The following LSAMP variants were observed in gnomAD, a reference collection of about 807,000 sequenced individuals.
LSAMP encodes limbic system associated membrane protein, also known as limbic system-associated membrane protein.
Under a neutral mutation model 38.6 loss-of-function variants are expected in LSAMP, and 7 were observed. The observed-to-expected ratio is 0.18, with a 90% CI of 0.10 to 0.34. The LOEUF (loss-of-function observed/expected upper bound fraction) is 0.34, where lower values mean the gene tolerates loss of function less well. Ranked by LOEUF, LSAMP falls within the 10% of genes least tolerant of loss-of-function variation. The pLI, the probability that LSAMP is intolerant of heterozygous loss-of-function variation, is 1.00. For missense variants in LSAMP, 313 were observed against 420.0 expected, an observed-to-expected ratio of 0.75 and a Z score of 2.23; for synonymous variants, 154 against 166.8, an observed-to-expected ratio of 0.92 and a Z score of 0.59.
chr3:115,816,665 A>T, intron 6 of LSAMP: 1 of 1,273,568 alleles, frequency 7.9e-7, no homozygotes, highest in Non-Finnish European at 1.0e-6. Flanking sequence ...AGAAACATTA[A>T]GCAAAACAAA....
intron 1 of LSAMP, among the ~76,000 whole-genome samples, chr3:116,225,286 T>C (rs538055731): frequency 6.6e-6 from 1 of 152,224 alleles, no homozygotes; most frequent in East Asian, 1.9e-4. Flanking sequence ...CAAAGAGACA[T>C]AGCAGAGGAC....
intron 1 of LSAMP, among the ~76,000 whole-genome samples, chr3:116,393,677 C>T (rs1342470870): frequency 6.6e-6 from 1 of 152,204 alleles, no homozygotes; most frequent in Non-Finnish European, 1.5e-5. Context: ...GATCCCATAA[C>T]AATGCAATTC....
chr3:116,076,322 G>A (rs1486118261), intron 2 of LSAMP, among the ~76,000 whole-genome samples: 1 of 151,922 alleles, frequency 6.6e-6, no homozygotes, highest in Non-Finnish European at 1.5e-5. Context: ...CAGTGGCGCG[G>A]TCTTGGCTCA....
intron 1 of LSAMP, among the ~76,000 whole-genome samples, chr3:116,253,483 T>C (rs1487915956): frequency 1.3e-5 from 2 of 152,202 alleles, no homozygotes; most frequent in African/African-American, 2.4e-5. Context: ...ATCTTTTACA[T>C]GTCTTTGCAG....
chr3:115,874,752 A>G (rs1678984630), intron 3 of LSAMP, among the ~76,000 whole-genome samples: 1 of 152,126 alleles, frequency 6.6e-6, no homozygotes, highest in African/African-American at 2.4e-5. Flanking sequence ...AGTGTGAAGC[A>G]GGCAAGATAT....
intron 6 of LSAMP, among the ~76,000 whole-genome samples, chr3:115,840,165 G>T (rs1174756721): frequency 6.6e-6 from 1 of 152,138 alleles, no homozygotes; most frequent in Non-Finnish European, 1.5e-5. Flanking sequence ...TAAATAGAAA[G>T]AAAATATACT....
chr3:115,911,800 A>G (rs1409257921), intron 3 of LSAMP, among the ~76,000 whole-genome samples: 2 of 152,218 alleles, frequency 1.3e-5, no homozygotes, highest in African/African-American at 4.8e-5. Context: ...ATTCCCACCA[A>G]CAAAGTATGA....
At chr3:116,392,312 C>T (rs1353562358) in intron 1 of LSAMP, among the ~76,000 whole-genome samples, 1 of 152,208 alleles carries the variant, frequency 6.6e-6, no homozygotes, top group Non-Finnish European at 1.5e-5. Context: ...GTCCTCCTAC[C>T]TCCCACAGGC....
At chr3:116,441,717 A>G (rs1559869497) in intron 1 of LSAMP, among the ~76,000 whole-genome samples, 1 of 152,210 alleles carries the variant, frequency 6.6e-6, no homozygotes, top group Non-Finnish European at 1.5e-5. Context: ...TGAGGCAGGT[A>G]GACTCTGTTT....
At chr3:116,105,631 G>A (rs933930769) in intron 1 of LSAMP, among the ~76,000 whole-genome samples, 8 of 152,182 alleles carry the variant, frequency 5.3e-5, no homozygotes, top group Admixed American at 1.3e-4. Context: ...CTCAGTTAAA[G>A]TGGGGCAGGA....
Position 116,124,605 on chromosome 3 carries a change from T to C in LSAMP, c.156-38049A>G, listed in dbSNP as rs925352810. On this transcript the variant is annotated intron_variant, in intron 1 of 6. Transcript: ENST00000490035. ...ATGTTTTTAAAAGTAAATTACAGTT[T>C]GGGAAAACGTTTCTGGGCAGGAGAG... Among the ~76,000 whole-genome samples the C allele has an allele frequency of 4.6e-5, 7 of 152,316 alleles. No homozygotes were observed. The East Asian group carries it at 1.2e-3, about 25-fold the overall frequency.
chr3:115,884,526 T>C (rs571541553), intron 3 of LSAMP, among the ~76,000 whole-genome samples: 6 of 150,388 alleles, frequency 4.0e-5, no homozygotes, highest in East Asian at 3.9e-4. Context: ...AGGTTGATCA[T>C]GGACGATTAG....
intron 1 of LSAMP, among the ~76,000 whole-genome samples, chr3:116,178,744 CA>C (rs1466471095): frequency 6.6e-6 from 1 of 152,132 alleles, no homozygotes; most frequent in Non-Finnish European, 1.5e-5. Context: ...CTCTCTATCC[CA>C]CCCTTCAAAA....
At chr3:115,881,610 C>T (rs1054889108) in intron 3 of LSAMP, among the ~76,000 whole-genome samples, 2 of 152,034 alleles carry the variant, frequency 1.3e-5, no homozygotes, top group Non-Finnish European at 2.9e-5. Flanking sequence ...TTGGACTTGG[C>T]GGTTGTTTAT....
chr3:115,941,804 A>G (rs1222075061), intron 3 of LSAMP, among the ~76,000 whole-genome samples: 1 of 152,132 alleles, frequency 6.6e-6, no homozygotes, highest in Non-Finnish European at 1.5e-5. Flanking sequence ...GCATGGATAA[A>G]TGAGAAGATA....
At chr3:116,319,380 T>C (rs1179078876) in intron 1 of LSAMP, among the ~76,000 whole-genome samples, 2 of 152,212 alleles carry the variant, frequency 1.3e-5, no homozygotes, top group Non-Finnish European at 2.9e-5. Context: ...GTATCTTGTA[T>C]ACAGATAGTT....
intron 1 of LSAMP, among the ~76,000 whole-genome samples, chr3:116,179,386 G>A (rs1229537050): frequency 6.6e-6 from 1 of 152,112 alleles, no homozygotes; most frequent in Non-Finnish European, 1.5e-5. Flanking sequence ...TTGCACATCA[G>A]AGGATGAATT....
chr3:116,286,568 C>T (rs952416904), intron 1 of LSAMP, among the ~76,000 whole-genome samples: 1 of 152,100 alleles, frequency 6.6e-6, no homozygotes, highest in Non-Finnish European at 1.5e-5. Flanking sequence ...ACTTCTCTTC[C>T]TCTAACTCAC....
intron 1 of LSAMP, among the ~76,000 whole-genome samples, chr3:116,114,566 A>G (rs913799278): frequency 4.6e-5 from 7 of 152,230 alleles, no homozygotes; most frequent in Non-Finnish European, 8.8e-5. Flanking sequence ...TGGGTATAAT[A>G]AAATCCTGAG....
Sources: allele counts gnomAD v4.1 joint callset (sites outside exome capture counted in the v4.1 genomes callset), GRCh38; gene constraint gnomAD v4.1.1; transcripts MANE v1.5; gene names NCBI Gene and HGNC (gene_info 2026-07-23, HGNC 2026-07-21).